Variants in ARRB1 observed in about 807,000 individuals in gnomAD.
The protein encoded by ARRB1 is beta-arrestin-1.
A neutral mutation model predicts 56.8 loss-of-function variants in ARRB1; 21 were observed. That is an observed-to-expected ratio of 0.37 (90% CI 0.26 to 0.53). The LOEUF (loss-of-function observed/expected upper bound fraction) is 0.53, where lower values mean the gene tolerates loss of function less well. Among genes scored for constraint, ARRB1 ranks in the 20% least tolerant of loss-of-function variants. ARRB1 has a pLI of 0.88. For synonymous variants in ARRB1, 210 were observed against 218.6 expected (o/e 0.96, Z 0.35); for missense variants, 424 against 553.7 (o/e 0.77, Z 2.35).
chr11:75,319,833 C>T (rs1377900489), intron 1 of ARRB1, among the ~76,000 whole-genome samples: 1 of 152,176 alleles, frequency 6.6e-6, no homozygotes, highest in East Asian at 1.9e-4. Context: ...TACTCAAATT[C>T]TACATTCCAG....
chr11:75,283,746 T>C (rs1317118533), intron 4 of ARRB1, among the ~76,000 whole-genome samples: 1 of 150,732 alleles, frequency 6.6e-6, no homozygotes, highest in Non-Finnish European at 1.5e-5. Context: ...AGGGCATATG[T>C]GGAGGGGTAT....
intron 1 of ARRB1, among the ~76,000 whole-genome samples, chr11:75,334,755 T>G (rs1291551980): frequency 2.0e-5 from 3 of 152,272 alleles, no homozygotes; most frequent in African/African-American, 7.2e-5. Flanking sequence ...CCTGGATGCC[T>G]TTCAGGTGTT....
chr11:75,318,812 TGGC>T (rs1486299997), intron 1 of ARRB1, among the ~76,000 whole-genome samples: 2 of 152,146 alleles, frequency 1.3e-5, no homozygotes, highest in African/African-American at 4.8e-5. Flanking sequence ...GCTGATCCTG[TGGC>T]CCACAGACAC....
At chr11:75,287,503 A>C in intron 2 of ARRB1, 128 bp from the exon 3 acceptor site, 1 of 900,040 alleles carries the variant, frequency 1.1e-6, no homozygotes, top group Non-Finnish European at 1.6e-6. Context: ...TCAAAATCCT[A>C]AGTGGACTTG....
chr11:75,324,714 G>A (rs182483531), intron 1 of ARRB1, among the ~76,000 whole-genome samples: 1 of 152,196 alleles, frequency 6.6e-6, no homozygotes, highest in East Asian at 1.9e-4. Context: ...CTGCCTCCTC[G>A]GGCCCCTTCC....
chr11:75,347,932 C>T (rs1947797830), intron 1 of ARRB1, among the ~76,000 whole-genome samples: 1 of 152,192 alleles, frequency 6.6e-6, no homozygotes, highest in South Asian at 2.1e-4. Context: ...AGCCTTAGTT[C>T]TCAGGTTTCT....
At chr11:75,312,269 G>A in intron 1 of ARRB1, 1 of 703,810 alleles carries the variant, frequency 1.4e-6, no homozygotes, top group South Asian at 1.5e-5. Context: ...GAAGGAGTGG[G>A]AGAAGAGGCG....
Position 75,299,764 on chromosome 11 carries a change from G to C in ARRB1, c.21-9725C>G, listed in dbSNP as rs563832975. On this transcript the variant is annotated intron_variant, in intron 1 of 15. Coordinates refer to ENST00000420843, the MANE Select transcript of ARRB1 (RefSeq NM_004041.5). ...CTTTTATAGCAACAATGAAAGTAGA[G>C]ATATTATTTGTGTTATATTCACTGT... 7.9e-5 allele frequency among the ~76,000 whole-genome samples: 12 copies of C among 152,266 alleles called. No individual in the cohort carries two copies. In the South Asian group the frequency reaches 2.1e-3, roughly 26 times the overall value.
chr11:75,334,302 C>T (rs376131393), intron 1 of ARRB1, among the ~76,000 whole-genome samples: 1 of 16,042 alleles, frequency 6.2e-5, no homozygotes, highest in African/African-American at 2.8e-4. Flanking sequence ...GACTCCGTCT[C>T]AAACAAAAAA....
intron 2 of ARRB1, among the ~76,000 whole-genome samples, chr11:75,288,754 T>C (rs1946540983): frequency 6.6e-6 from 1 of 152,012 alleles, no homozygotes; most frequent in African/African-American, 2.4e-5. Context: ...TAGCTGGAAC[T>C]ACAGGCATGC....
chr11:75,306,997 C>CCCAGTGGGTACTTA (rs1203215458), intron 1 of ARRB1, among the ~76,000 whole-genome samples: 1 of 152,154 alleles, frequency 6.6e-6, no homozygotes, highest in Non-Finnish European at 1.5e-5. Context: ...TACCCCTTAT[C>CCCAGTGGGTACTTA]CCCAGTGGGT....
chr11:75,312,251 G>T, intron 1 of ARRB1: 1 of 908,310 alleles, frequency 1.1e-6, no homozygotes, highest in Non-Finnish European at 1.5e-6. Flanking sequence ...GAACAGGCCT[G>T]CCCCTGGGAA....
chr11:75,288,468 T>C (rs1946532546), intron 2 of ARRB1, among the ~76,000 whole-genome samples: 1 of 152,084 alleles, frequency 6.6e-6, no homozygotes, highest in African/African-American at 2.4e-5. Flanking sequence ...TCCTTGTGAC[T>C]CGATCGCCAT....
In ARRB1 at chr11:75,261,733, ACT is replaced by A. The variant is rs1431046829; in HGVS notation, c.*4428_*4429del. On this transcript the variant is annotated 3_prime_UTR_variant, in exon 16 of 16. Coordinates refer to ENST00000420843, the MANE Select transcript of ARRB1 (RefSeq NM_004041.5). ...GAAGTGGTAGAGGTGGGGTCCTGCC[ACT>A]TTCGTCCAGGAGGAATGGCAGAAGA... 3.3e-5 allele frequency: 5 copies of A among 152,252 alleles called. No individual in the cohort carries two copies. Among genetic ancestry groups the A allele is most frequent in the African/African-American group, 1.2e-4 (5 of 41,440 alleles). The allele number at this position is 152,252 out of a possible 1,614,324, so 9.4% of individuals were successfully genotyped here.
intron 1 of ARRB1, among the ~76,000 whole-genome samples, chr11:75,295,256 C>G (rs1274265863): frequency 6.7e-6 from 1 of 148,266 alleles, no homozygotes; most frequent in Non-Finnish European, 1.5e-5. Context: ...ACACACACAC[C>G]CAACATATTA....
intron 12 of ARRB1, among the ~76,000 whole-genome samples, chr11:75,272,165 C>T (rs1378590640): frequency 1.3e-5 from 2 of 152,252 alleles, no homozygotes; most frequent in Non-Finnish European, 1.5e-5. Context: ...GGATTACATA[C>T]TGCCACCTGC....
chr11:75,283,433 C>T lies in ARRB1; in HGVS notation c.208G>A (p.Val70Ile). ...TCCTTGCGAAAGGTCAGGCCCAGGA[C>T]ATCCAGGTCCTCCCGGCCATAGCGG... ...AFRYGREDLD[V>I]LGLTFRKDLF... The change falls in exon 5 of 16, where the codon GTC becomes ATC. Residue 70 changes from valine (V) to isoleucine (I), a missense_variant. Physicochemically the swap from Val to Ile is conservative, Grantham distance 29. Coordinates refer to ENST00000420843, the MANE Select transcript of ARRB1 (RefSeq NM_004041.5). The T allele has an allele frequency of 6.2e-7, 1 of 1,614,014 alleles. No individual in the cohort carries two copies. Among genetic ancestry groups the T allele is most frequent in the Non-Finnish European group, 8.5e-7 (1 of 1,179,878 alleles).
At chr11:75,350,260 C>CTGTT (rs2135013319) in intron 1 of ARRB1, among the ~76,000 whole-genome samples, 1 of 152,264 alleles carries the variant, frequency 6.6e-6, no homozygotes, top group African/African-American at 2.4e-5. Context: ...TCTCTCTAGT[C>CTGTT]TGTTAGCTCC....
At chr11:75,278,569 TG>T in intron 8 of ARRB1, 39 bp downstream of exon 8, 2 of 1,612,820 alleles carry the variant, frequency 1.2e-6, no homozygotes, top group Non-Finnish European at 1.7e-6. Context: ...CAGGCCCTGG[TG>T]GAGCAGCCCC....
Sources: gnomAD v4.1 joint callset for allele counts (sites outside exome capture counted in the v4.1 genomes callset) on GRCh38, gnomAD v4.1.1 for gene constraint, MANE v1.5 for transcripts, NCBI Gene and HGNC (gene_info 2026-07-23, HGNC 2026-07-21) for gene names.